RBM41: variants seen among roughly 807,000 people sequenced by gnomAD.
RBM41 encodes the protein RNA binding motif protein 41, also known as RNA-binding protein 41.
RBM41 carries 14 observed loss-of-function variants against 30.8 expected under a neutral mutation model. The ratio of observed to expected loss-of-function variants is 0.45; its 90% CI spans 0.30 to 0.71. The LOEUF (loss-of-function observed/expected upper bound fraction) is 0.71, where lower values mean the gene tolerates loss of function less well. RBM41 is among the 30% of genes least tolerant of loss of function. The pLI, the probability that RBM41 is intolerant of heterozygous loss-of-function variation, is 0.08. For missense variants in RBM41, 276 were observed against 326.3 expected (o/e 0.85, Z 1.19); for synonymous variants, 120 against 110.1 (o/e 1.09, Z -0.56).
In RBM41 at chrX:107,090,634, G is replaced by T. The variant is rs753559049; in HGVS notation, c.596-1795C>A. ...CTGGAATATTTTTGTAGGGACCCTT[G>T]GTTCCTTTTAGTAGGAAGTGGTATT... is the stretch of plus-strand genomic sequence containing the variant. On this transcript the variant is annotated intron_variant, in intron 5 of 7. Coordinates refer to ENST00000685964, the MANE Select transcript of RBM41 (RefSeq NM_001324242.2). Among the ~76,000 whole-genome samples, 284 of 110,432 alleles carry T rather than the reference G, an allele frequency of 2.6e-3. 2 individuals carry two copies. The highest frequency in any genetic ancestry group is 8.9e-3 in the African/African-American group (270 of 30,297).
chrX:107,088,681 C>A lies in RBM41; in HGVS notation c.754G>T (p.Gly252Cys). The A allele has an allele frequency of 1.7e-6, 2 of 1,211,491 alleles. No individual in the cohort carries two copies. The highest frequency in any genetic ancestry group is 2.2e-6 in the Non-Finnish European group (2 of 895,474). The change falls in exon 6 of 8, where the codon GGC becomes TGC. Residue 252 changes from glycine to cysteine, a missense_variant. Gly to Cys is a radical substitution (Grantham distance 159, BLOSUM62 -3). Coordinates refer to ENST00000685964, the MANE Select transcript of RBM41 (RefSeq NM_001324242.2). Reference protein sequence around the residue: ...LVSATSVGDSGTAESPSLLQD... With the variant: ...LVSATSVGDSCTAESPSLLQD... ...AGTAATGATGGGCTCTCAGCTGTGC[C>A]ACTATCACCCACTGATGTAGCTGAG...
the RBM41 span, among the ~76,000 whole-genome samples, chrX:107,056,778 G>T: frequency 9.5e-6 from 1 of 104,924 alleles, no homozygotes; most frequent in Non-Finnish European, 1.9e-5. Flanking sequence ...TATAGGTAAT[G>T]GTTTGCCAAT....
chrX:107,086,568 A>T (rs901802759), intron 6 of RBM41, among the ~76,000 whole-genome samples: 4 of 111,879 alleles, frequency 3.6e-5, no homozygotes, highest in African/African-American at 1.3e-4. Context: ...TGTCACATAT[A>T]CACAAACACA....
the RBM41 span, among the ~76,000 whole-genome samples, chrX:107,056,880 CT>C: frequency 4.5e-4 from 37 of 82,164 alleles, no homozygotes; most frequent in East Asian, 2.7e-3. Flanking sequence ...TAACTATTAT[CT>C]TTTTTTTTTT....
At chrX:107,054,333 A>G in the RBM41 span, among the ~76,000 whole-genome samples, 1 of 111,353 alleles carries the variant, frequency 9.0e-6, no homozygotes, top group South Asian at 3.8e-4. Flanking sequence ...CACTACATCA[A>G]TTTCCTTACT....
intron 2 of RBM41, among the ~76,000 whole-genome samples, 162 bp downstream of exon 2, chrX:107,116,488 C>A (rs376071790): frequency 1.8e-5 from 2 of 111,719 alleles, no homozygotes; most frequent in East Asian, 5.7e-4. Flanking sequence ...ATATGGGAGG[C>A]TTCCCAGAGG....
intron 5 of RBM41, among the ~76,000 whole-genome samples, chrX:107,091,836 G>C (rs2147623878): frequency 8.9e-6 from 1 of 111,877 alleles, no homozygotes; most frequent in Admixed American, 9.5e-5. Flanking sequence ...ATGTTAATGT[G>C]TAGAGCTCTT....
At chrX:107,080,710 T>G (rs773650113) in intron 6 of RBM41, among the ~76,000 whole-genome samples, 1 of 112,742 alleles carries the variant, frequency 8.9e-6, no homozygotes, top group South Asian at 3.7e-4. Context: ...AGTTTTATTG[T>G]GGACTTTAGC....
the RBM41 span, among the ~76,000 whole-genome samples, chrX:107,055,823 C>A: frequency 8.9e-6 from 1 of 112,291 alleles, no homozygotes; most frequent in East Asian, 2.8e-4. Flanking sequence ...GTAGTGGTAT[C>A]TCATTGTGGT....
chrX:107,111,141 A>G (rs1219711416), intron 5 of RBM41, among the ~76,000 whole-genome samples: 3 of 111,588 alleles, frequency 2.7e-5, no homozygotes, highest in Non-Finnish European at 3.8e-5. Context: ...TGCAAGTCAT[A>G]TATCTTATAA....
At chrX:107,112,619 C>G (rs999365491) in intron 5 of RBM41, among the ~76,000 whole-genome samples, 9 of 111,592 alleles carry the variant, frequency 8.1e-5, no homozygotes, top group African/African-American at 2.9e-4. Flanking sequence ...CCATCATAAC[C>G]TGGAAACAAC....
chrX:107,106,451 T>G (rs374412879), intron 5 of RBM41, among the ~76,000 whole-genome samples: 176 of 111,354 alleles, frequency 1.6e-3, no homozygotes, highest in African/African-American at 3.3e-3. Flanking sequence ...CATTGTGGAA[T>G]TCAGTGTGGC....
chrX:107,117,018 T>C (rs1006515684), intron 1 of RBM41, among the ~76,000 whole-genome samples: 1 of 112,071 alleles, frequency 8.9e-6, no homozygotes, highest in Non-Finnish European at 1.9e-5. Context: ...GCCCACAATC[T>C]ATTTAGGGAG....
intron 6 of RBM41, chrX:107,070,174 C>T (rs1936000173): frequency 3.2e-6 from 1 of 315,184 alleles, no homozygotes; most frequent in African/African-American, 2.7e-5. Flanking sequence ...TTTTAAATAC[C>T]CTCCCTCACA....
chrX:107,059,582 A>G (rs1935610975), downstream of RBM41, among the ~76,000 whole-genome samples: 1 of 112,110 alleles, frequency 8.9e-6, no homozygotes, highest in South Asian at 3.7e-4. Context: ...CGGTTGTACC[A>G]TAATTTTAAA....
rs747151823 is a variant in RBM41, at chrX:107,100,961, A to C, written c.596-12122T>G. Among the ~76,000 whole-genome samples, 4 of 112,281 alleles carry C rather than the reference A, an allele frequency of 3.6e-5. No homozygotes were observed. In the East Asian group the frequency reaches 1.1e-3, roughly 31 times the overall value. On this transcript the variant is annotated intron_variant, in intron 5 of 7. Transcript: ENST00000685964. ...TGGCTACACATAGCAATATGTACGA[A>C]TATCTCAAATATAATTGCCAGAAAA...
At chrX:107,098,380 T>C (rs949779558) in intron 5 of RBM41, among the ~76,000 whole-genome samples, 1 of 111,695 alleles carries the variant, frequency 9.0e-6, no homozygotes. Context: ...AAAGAATTAT[T>C]CTCCAGATAC....
At chrX:107,058,293 C>CAAAAAA (rs201428990), downstream of RBM41, among the ~76,000 whole-genome samples, 2 of 45,692 alleles carry the variant, frequency 4.4e-5, no homozygotes, top group Non-Finnish European at 9.4e-5. Context: ...AACTCCGTCT[C>CAAAAAA]AAAAAAAAAA....
At chrX:107,077,701 G>C (rs978393983) in intron 6 of RBM41, among the ~76,000 whole-genome samples, 7 of 110,286 alleles carry the variant, frequency 6.3e-5, no homozygotes, top group African/African-American at 2.3e-4. Flanking sequence ...GCTCTTCCTG[G>C]TATCCCTATG....
Sources: gnomAD v4.1 joint callset for allele counts (sites outside exome capture counted in the v4.1 genomes callset) on GRCh38, gnomAD v4.1.1 for gene constraint, MANE v1.5 for transcripts, NCBI Gene and HGNC (gene_info 2026-07-23, HGNC 2026-07-21) for gene names.